Variants in OPCML observed in about 807,000 individuals in gnomAD.
OPCML encodes opioid-binding protein/cell adhesion molecule.
OPCML carries 13 observed loss-of-function variants against 37.8 expected under a neutral mutation model. That is an observed-to-expected ratio of 0.34 (90% confidence interval 0.22 to 0.55). The LOEUF (loss-of-function observed/expected upper bound fraction) is 0.55, where lower values mean the gene tolerates loss of function less well. OPCML is among the 20% of genes least tolerant of loss of function. The probability of loss-of-function intolerance (pLI) is 0.91; values close to 1 mark genes in which losing one functional copy is unlikely to be tolerated. For synonymous variants in OPCML, 176 were observed against 168.8 expected (o/e 1.04, Z -0.33); for missense variants, 341 against 435.6 (o/e 0.78, Z 1.93).
At chr11:133,086,020 A>AT in intron 1 of OPCML, among the ~76,000 whole-genome samples, 1 of 152,364 alleles carries the variant, frequency 6.6e-6, no homozygotes, top group East Asian at 1.9e-4. Context: ...AAAATAGAGG[A>AT]CAGTTAATGA....
At chr11:133,146,965 GC>G (rs775703301) in intron 1 of OPCML, among the ~76,000 whole-genome samples, 99 of 152,290 alleles carry the variant, frequency 6.5e-4, no homozygotes, top group Admixed American at 1.9e-3. Context: ...AAGCCGTGGT[GC>G]CTTCCCCTGC....
intron 1 of OPCML, among the ~76,000 whole-genome samples, chr11:133,529,575 C>T (rs1286750758): frequency 1.3e-5 from 2 of 152,198 alleles, no homozygotes; most frequent in Admixed American, 1.3e-4. Context: ...TGGAAGGTAC[C>T]AGGCGACAAC....
At chr11:132,978,603 C>A (rs747605418) in intron 1 of OPCML, among the ~76,000 whole-genome samples, 4 of 152,136 alleles carry the variant, frequency 2.6e-5, no homozygotes, top group Admixed American at 1.3e-4. Flanking sequence ...AAGGATATTT[C>A]TAGGATTCAG....
chr11:132,923,894 G>A (rs1333059363), intron 2 of OPCML, among the ~76,000 whole-genome samples: 2 of 150,540 alleles, frequency 1.3e-5, no homozygotes, highest in Non-Finnish European at 2.9e-5. Flanking sequence ...CTCCCGACTA[G>A]CTAGGAGTAC....
intron 1 of OPCML, among the ~76,000 whole-genome samples, chr11:133,062,017 A>G (rs377364642): frequency 6.6e-6 from 1 of 152,198 alleles, no homozygotes; most frequent in East Asian, 1.9e-4. Context: ...TGGTTTTAGA[A>G]TAAATTTCCT....
intron 1 of OPCML, among the ~76,000 whole-genome samples, chr11:133,170,953 C>T (rs1950280675): frequency 6.6e-6 from 1 of 152,172 alleles, no homozygotes; most frequent in Non-Finnish European, 1.5e-5. Flanking sequence ...GTTCCTGAGC[C>T]TTAGGCAAGA....
At chr11:132,483,918 A>G in intron 4 of OPCML, among the ~76,000 whole-genome samples, 1 of 152,084 alleles carries the variant, frequency 6.6e-6, no homozygotes, top group Non-Finnish European at 1.5e-5. Context: ...AAATCAATTC[A>G]AGATGGATTA....
chr11:132,748,074 T>C (rs1945700949), intron 2 of OPCML, among the ~76,000 whole-genome samples: 1 of 152,076 alleles, frequency 6.6e-6, no homozygotes, highest in African/African-American at 2.4e-5. Context: ...TTTTTTTTTT[T>C]TTTTTAGAGA....
chr11:133,411,917 C>A (rs143378919), intron 1 of OPCML, among the ~76,000 whole-genome samples: 36 of 152,250 alleles, frequency 2.4e-4, no homozygotes, highest in Middle Eastern at 3.4e-3. Context: ...GGCTTCCCCC[C>A]ACACGTTGAC....
intron 2 of OPCML, among the ~76,000 whole-genome samples, chr11:132,666,675 A>G (rs181622476): frequency 3.4e-4 from 52 of 152,334 alleles, no homozygotes; most frequent in Admixed American, 2.6e-4. Flanking sequence ...AACTAGGTAC[A>G]AGTATTGGGT....
At chr11:133,170,014 T>G (rs1950266410) in intron 1 of OPCML, among the ~76,000 whole-genome samples, 1 of 152,174 alleles carries the variant, frequency 6.6e-6, no homozygotes, top group African/African-American at 2.4e-5. Flanking sequence ...TATAAAAGGT[T>G]GAGAAGCACG....
chr11:132,825,964 C>T (rs1454142881), intron 2 of OPCML, among the ~76,000 whole-genome samples: 1 of 152,180 alleles, frequency 6.6e-6, no homozygotes, highest in African/African-American at 2.4e-5. Context: ...GTGAACCCCG[C>T]TACCTCCCTA....
At chr11:132,489,634 C>G (rs937590977) in intron 4 of OPCML, among the ~76,000 whole-genome samples, 18 of 151,868 alleles carry the variant, frequency 1.2e-4, no homozygotes, top group African/African-American at 4.4e-4. Context: ...CTTTAGGATC[C>G]TATGGGACCA....
At chr11:132,826,506 G>A (rs1473306530) in intron 2 of OPCML, among the ~76,000 whole-genome samples, 1 of 152,182 alleles carries the variant, frequency 6.6e-6, no homozygotes, top group East Asian at 1.9e-4. Context: ...AATGTGAAAG[G>A]CATCCCTGTT....
intron 2 of OPCML, among the ~76,000 whole-genome samples, chr11:132,856,069 G>A (rs1002585750): frequency 5.3e-5 from 8 of 152,246 alleles, no homozygotes; most frequent in East Asian, 1.9e-4. Flanking sequence ...TAAGACACTC[G>A]AATGCCAATA....
intron 3 of OPCML, among the ~76,000 whole-genome samples, chr11:132,574,212 T>C (rs555953636): frequency 7.0e-6 from 1 of 143,874 alleles, no homozygotes; most frequent in Non-Finnish European, 1.5e-5. Context: ...CTACCGTTTT[T>C]CTATTTTGTT....
intron 4 of OPCML, among the ~76,000 whole-genome samples, chr11:132,453,599 T>C (rs189599598): frequency 6.6e-6 from 1 of 152,332 alleles, no homozygotes; most frequent in Admixed American, 6.5e-5. Context: ...GACTGATTAC[T>C]CATAACTAAA....
chr11:133,401,425 G>A (rs563993193), intron 1 of OPCML, among the ~76,000 whole-genome samples: 2 of 152,200 alleles, frequency 1.3e-5, no homozygotes, highest in African/African-American at 2.4e-5. Flanking sequence ...AAAGGCCTGT[G>A]AAATGAACTA....
intron 1 of OPCML, among the ~76,000 whole-genome samples, chr11:133,319,731 C>G (rs1358232655): frequency 6.6e-6 from 1 of 152,170 alleles, no homozygotes; most frequent in African/African-American, 2.4e-5. Context: ...GAGACGGACA[C>G]AGCAAGGCAC....
Sources: gnomAD v4.1 joint callset for allele counts (sites outside exome capture counted in the v4.1 genomes callset) on GRCh38, gnomAD v4.1.1 for gene constraint, MANE v1.5 for transcripts, NCBI Gene and HGNC (gene_info 2026-07-23, HGNC 2026-07-21) for gene names.